Variants in ANK2 observed in about 807,000 individuals in gnomAD.
ANK2 encodes ankyrin-2.
ANK2 carries 83 observed loss-of-function variants against 360.5 expected under a neutral mutation model. The observed-to-expected ratio is 0.23, with a 90% CI of 0.19 to 0.28. The LOEUF is 0.28. Among genes scored for constraint, ANK2 ranks in the 10% least tolerant of loss-of-function variants. The pLI, the probability that ANK2 is intolerant of heterozygous loss-of-function variation, is 1.00. For missense variants in ANK2, 4,201 were observed against 4,795.7 expected, an observed-to-expected ratio of 0.88 and a Z score of 3.66; for synonymous variants, 1,740 against 1,759.5, an observed-to-expected ratio of 0.99 and a Z score of 0.28.
intron 4 of ANK2, among the ~76,000 whole-genome samples, chr4:113,218,356 G>A (rs2099110463): frequency 6.6e-6 from 1 of 151,644 alleles, no homozygotes; most frequent in Non-Finnish European, 1.5e-5. Context: ...GAATCCCCTT[G>A]GAATGTGTCA....
At chr4:113,146,883 G>A (rs1435399763) in intron 1 of ANK2, among the ~76,000 whole-genome samples, 6 of 152,274 alleles carry the variant, frequency 3.9e-5, no homozygotes, top group East Asian at 1.9e-4. Flanking sequence ...AGGCAGAGGC[G>A]TTTGTACTTG....
chr4:113,333,284 A>AG (rs1392465635), intron 29 of ANK2, 76 bp downstream of exon 29: 17 of 1,522,344 alleles, frequency 1.1e-5, no homozygotes, highest in Non-Finnish European at 1.4e-5. Context: ...CTTATGACCT[A>AG]GGGGTGTGTG....
intron 1 of ANK2, among the ~76,000 whole-genome samples, chr4:113,161,772 T>C (rs1338184599): frequency 6.6e-6 from 1 of 152,038 alleles, no homozygotes; most frequent in African/African-American, 2.4e-5. Context: ...TATTTTATTC[T>C]CACTGCCTGG....
At chr4:113,266,528 C>T (rs892681999) in intron 14 of ANK2, among the ~76,000 whole-genome samples, 29 of 152,192 alleles carry the variant, frequency 1.9e-4, no homozygotes, top group African/African-American at 6.8e-4. Context: ...GAGTAATTGA[C>T]ACATTGTCTT....
intron 4 of ANK2, chr4:113,216,988 C>G (rs2099092415): frequency 6.6e-6 from 1 of 152,058 alleles, no homozygotes; most frequent in African/African-American, 2.4e-5. Flanking sequence ...ACAATTTTCA[C>G]GATTTGCATG....
the ANK2 span, among the ~76,000 whole-genome samples, chr4:112,729,072 T>G: frequency 5.3e-5 from 8 of 152,012 alleles, no homozygotes; most frequent in Admixed American, 5.2e-4. Context: ...CCAGGCATGG[T>G]GGCACATGCA....
chr4:112,784,027 A>G, the ANK2 span, among the ~76,000 whole-genome samples: 2 of 152,208 alleles, frequency 1.3e-5, no homozygotes, highest in Admixed American at 6.6e-5. Flanking sequence ...TACATGAACT[A>G]AAGCTAAACT....
chr4:113,242,005 A>G (rs1277690971), intron 8 of ANK2, 106 bp from the exon 9 acceptor site: 3 of 868,920 alleles, frequency 3.5e-6, no homozygotes, highest in East Asian at 2.5e-5. Context: ...ACTGTGGATC[A>G]AATTACCACG....
intron 2 of ANK2, among the ~76,000 whole-genome samples, chr4:112,990,697 ATCT>A (rs2046440834): frequency 6.6e-6 from 1 of 152,148 alleles, no homozygotes; most frequent in Non-Finnish European, 1.5e-5. Flanking sequence ...GTTCATGTAA[ATCT>A]TCTACCTTTA....
chr4:113,117,575 T>C (rs892694929), intron 1 of ANK2, among the ~76,000 whole-genome samples: 1 of 152,192 alleles, frequency 6.6e-6, no homozygotes, highest in South Asian at 2.1e-4. Context: ...ATTTGCTGCA[T>C]TGGGAGGAGA....
intron 26 of ANK2, among the ~76,000 whole-genome samples, chr4:113,319,670 T>G (rs1472643721): frequency 6.6e-6 from 1 of 152,120 alleles, no homozygotes; most frequent in East Asian, 1.9e-4. Context: ...ATATAGTTAT[T>G]GAAAACAATC....
At chr4:112,903,234 C>T (rs1236284386) in intron 1 of ANK2, among the ~76,000 whole-genome samples, 1 of 152,184 alleles carries the variant, frequency 6.6e-6, no homozygotes, top group Non-Finnish European at 1.5e-5. Context: ...GATGCTCATT[C>T]TTCTGGTCTA....
chr4:112,710,399 CAGG>C, the ANK2 span, among the ~76,000 whole-genome samples: 37 of 152,214 alleles, frequency 2.4e-4, no homozygotes, highest in South Asian at 1.9e-3. Flanking sequence ...TCAAATCCAT[CAGG>C]AGAATAGCTT....
chr4:112,957,007 G>GTTTTTTTTTT (rs56066718), intron 2 of ANK2, among the ~76,000 whole-genome samples: 4 of 66,478 alleles, frequency 6.0e-5, no homozygotes, highest in Non-Finnish European at 8.6e-5. Context: ...TATTGCTCTT[G>GTTTTTTTTTT]TTTTTTTTTT....
intron 13 of ANK2, among the ~76,000 whole-genome samples, chr4:113,258,616 A>C (rs1352351559): frequency 6.6e-6 from 1 of 152,220 alleles, no homozygotes; most frequent in Non-Finnish European, 1.5e-5. Context: ...TTATAAAGTA[A>C]AATGGAAGCT....
chr4:112,861,955 A>C (rs926529559), intron 1 of ANK2, among the ~76,000 whole-genome samples: 9 of 152,188 alleles, frequency 5.9e-5, no homozygotes, highest in African/African-American at 2.2e-4. Context: ...GCATCAAAAA[A>C]TGGCACCGAG....
At chr4:112,885,455 T>C (rs992235616) in intron 1 of ANK2, among the ~76,000 whole-genome samples, 7 of 142,028 alleles carry the variant, frequency 4.9e-5, no homozygotes. Flanking sequence ...GCCGAGATCA[T>C]GCCATTGCAC....
intron 2 of ANK2, among the ~76,000 whole-genome samples, chr4:113,179,906 A>T (rs753374079): frequency 5.1e-4 from 77 of 152,244 alleles, no homozygotes; most frequent in Non-Finnish European, 1.1e-3. Context: ...AAAATGAAAG[A>T]CTATCACTTA....
chr4:112,738,467 A>G, the ANK2 span, among the ~76,000 whole-genome samples: 4 of 151,950 alleles, frequency 2.6e-5, no homozygotes, highest in African/African-American at 4.8e-5. Flanking sequence ...TGGAGTATAC[A>G]TCAGGTAATT....
Sources: gnomAD v4.1 joint callset for allele counts (sites outside exome capture counted in the v4.1 genomes callset) on GRCh38, gnomAD v4.1.1 for gene constraint, MANE v1.5 for transcripts, NCBI Gene and HGNC (gene_info 2026-07-23, HGNC 2026-07-21) for gene names.